The following SLC60A2 variants were observed in gnomAD, a reference collection of about 807,000 sequenced individuals.
SLC60A2 encodes major facilitator superfamily domain containing 4B.
At chr6:111,278,582 G>T in the SLC60A2 span, 1 of 152,130 alleles carries the variant, frequency 6.6e-6, no homozygotes, top group South Asian at 2.1e-4. Flanking sequence ...AGTCTCACGA[G>T]ATCTTTTGGT....
the SLC60A2 span, among the ~76,000 whole-genome samples, chr6:111,263,526 G>A: frequency 2.6e-5 from 4 of 152,022 alleles, no homozygotes; most frequent in Non-Finnish European, 4.4e-5. Context: ...GTTCTTAAAT[G>A]TGAATCATTT....
the SLC60A2 span, chr6:111,263,878 G>T: frequency 2.5e-6 from 4 of 1,611,856 alleles, no homozygotes; most frequent in Non-Finnish European, 3.4e-6. Flanking sequence ...GTTCCTTTTT[G>T]CAAGACAGCA....
At chr6:111,264,570 C>T in the SLC60A2 span, among the ~76,000 whole-genome samples, 2,342 of 152,050 alleles carry the variant, frequency 0.015, 55 homozygotes, top group African/African-American at 0.053. Flanking sequence ...GGGTGGATCA[C>T]GAGGTCAGGA....
the SLC60A2 span, chr6:111,268,625 C>T: frequency 2.0e-5 from 3 of 152,184 alleles, no homozygotes; most frequent in African/African-American, 7.2e-5. Context: ...TTTCGAGGTC[C>T]TTTGCCTACC....
the SLC60A2 span, among the ~76,000 whole-genome samples, chr6:111,275,280 A>G: frequency 6.6e-6 from 1 of 152,026 alleles, no homozygotes; most frequent in African/African-American, 2.4e-5. Context: ...TGTTTAATAG[A>G]TTCTGTAAAT....
At chr6:111,272,855 AG>A in the SLC60A2 span, among the ~76,000 whole-genome samples, 35 of 151,874 alleles carry the variant, frequency 2.3e-4, no homozygotes, top group Middle Eastern at 6.8e-3. Flanking sequence ...TTTAAGACAG[AG>A]TCTTGCTCTT....
chr6:111,267,116 T>A, the SLC60A2 span: 6 of 1,599,668 alleles, frequency 3.8e-6, no homozygotes, highest in East Asian at 1.3e-4. Context: ...GGACTAACGT[T>A]TAGAGAAGAT....
chr6:111,259,838 C>T, the SLC60A2 span: 2 of 889,156 alleles, frequency 2.2e-6, no homozygotes, highest in Admixed American at 3.3e-5. Flanking sequence ...TCAGTTTCAT[C>T]ATCTAGAAAA....
At chr6:111,260,236 G>T in the SLC60A2 span, among the ~76,000 whole-genome samples, 1 of 152,100 alleles carries the variant, frequency 6.6e-6, no homozygotes, top group Non-Finnish European at 1.5e-5. Flanking sequence ...CGTCTCCTTC[G>T]TCGGATGGGA....
the SLC60A2 span, chr6:111,259,372 G>C: frequency 1.3e-4 from 45 of 350,758 alleles, no homozygotes; most frequent in East Asian, 1.9e-3. Flanking sequence ...GAACACCTGC[G>C]GCGTGCCGAA....
chr6:111,261,010 T>C, the SLC60A2 span, among the ~76,000 whole-genome samples: 2 of 152,196 alleles, frequency 1.3e-5, no homozygotes, highest in East Asian at 3.8e-4. Context: ...TGTAGACTGA[T>C]TGGAAACATT....
chr6:111,262,178 T>A, the SLC60A2 span: 105 of 1,190,966 alleles, frequency 8.8e-5, no homozygotes, highest in Non-Finnish European at 1.2e-4. Context: ...CCTTTTTTTT[T>A]ATAGTGGAAG....
At chr6:111,279,872 C>T in the SLC60A2 span, among the ~76,000 whole-genome samples, 1 of 152,056 alleles carries the variant, frequency 6.6e-6, no homozygotes, top group African/African-American at 2.4e-5. Context: ...CCGAGGAGTT[C>T]AACACTGCAG....
chr6:111,268,806 C>T, the SLC60A2 span: 3 of 152,202 alleles, frequency 2.0e-5, no homozygotes, highest in African/African-American at 7.2e-5. Context: ...TTTCTCTTTC[C>T]TGAGTCTGAA....
the SLC60A2 span, chr6:111,267,281 G>C: frequency 1.6e-6 from 1 of 608,240 alleles, no homozygotes. Context: ...GTAATTCCCA[G>C]AGTCTTCCAT....
At chr6:111,260,930 G>A in the SLC60A2 span, among the ~76,000 whole-genome samples, 4 of 152,218 alleles carry the variant, frequency 2.6e-5, no homozygotes, top group Admixed American at 6.5e-5. Flanking sequence ...GGACTGTTAC[G>A]AGTTGGGCAG....
chr6:111,267,269 C>T, the SLC60A2 span: 1 of 657,064 alleles, frequency 1.5e-6, no homozygotes, highest in Non-Finnish European at 2.5e-6. Flanking sequence ...TTGAAATGTT[C>T]TGTAATTCCC....
At chr6:111,259,740 G>A in the SLC60A2 span, 2 of 1,579,846 alleles carry the variant, frequency 1.3e-6, no homozygotes, top group Non-Finnish European at 1.7e-6. Context: ...GAGAGCCGGG[G>A]CTGCAACACT....
the SLC60A2 span, chr6:111,265,735 G>T: frequency 1.5e-6 from 1 of 676,220 alleles, no homozygotes; most frequent in Non-Finnish European, 2.4e-6. Flanking sequence ...AATTGATTTA[G>T]TTGCAATGTT....
Sources: gnomAD v4.1 joint callset for allele counts (sites outside exome capture counted in the v4.1 genomes callset) on GRCh38, gnomAD v4.1.1 for gene constraint, MANE v1.5 for transcripts, NCBI Gene and HGNC (gene_info 2026-07-23, HGNC 2026-07-21) for gene names.